Variants in ZFYVE26 observed in about 807,000 individuals in gnomAD.
The protein encoded by ZFYVE26 is zinc finger FYVE domain-containing protein 26.
ZFYVE26 carries 181 observed loss-of-function variants against 276.5 expected under a neutral mutation model. The ratio of observed to expected loss-of-function variants is 0.65; its 90% CI spans 0.58 to 0.74. ZFYVE26 has a LOEUF of 0.74. Ranked by LOEUF, ZFYVE26 falls within the 30% of genes least tolerant of loss-of-function variation. The probability of loss-of-function intolerance (pLI) is 0.00; values close to 1 mark genes in which losing one functional copy is unlikely to be tolerated. For missense variants in ZFYVE26, 2,821 were observed against 3,097.9 expected (o/e 0.91, Z 2.12); for synonymous variants, 1,129 against 1,203.1 (o/e 0.94, Z 1.27).
chr14:67,780,974 C>T (rs1566880761), intron 22 of ZFYVE26, among the ~76,000 whole-genome samples: 1 of 152,100 alleles, frequency 6.6e-6, no homozygotes, highest in Non-Finnish European at 1.5e-5. Context: ...TTCAAAATAG[C>T]TCTTGAAATG....
intron 27 of ZFYVE26, among the ~76,000 whole-genome samples, chr14:67,774,429 G>A (rs2039288168): frequency 6.6e-6 from 1 of 152,100 alleles, no homozygotes; most frequent in South Asian, 2.1e-4. Context: ...AATCCAGGAG[G>A]CGGAGGTTGC....
At chr14:67,809,819 C>G (rs1289940234) in intron 3 of ZFYVE26, among the ~76,000 whole-genome samples, 1 of 130,822 alleles carries the variant, frequency 7.6e-6, no homozygotes, top group African/African-American at 2.9e-5. Flanking sequence ...GAGTCTCGCT[C>G]TGTTGCCCAG....
At chr14:67,749,963 G>A (rs527246046) in intron 41 of ZFYVE26, among the ~76,000 whole-genome samples, 2 of 152,308 alleles carry the variant, frequency 1.3e-5, no homozygotes, top group Admixed American at 1.3e-4. Flanking sequence ...AACTGCATTA[G>A]ACAGCTGCTG....
Position 67,807,379 on chromosome 14 carries a change from A to C in ZFYVE26, c.886+19T>G. The C allele has an allele frequency of 6.2e-7, 1 of 1,613,932 alleles. No individual in the cohort carries two copies. The highest frequency in any genetic ancestry group is 8.5e-7 in the Non-Finnish European group (1 of 1,180,030). The stretch of plus-strand genomic sequence containing the variant: ...CTGGAATTACTGAAACTAAAGGAGC[A>C]GCAGCAAAGGGAACACACCTTTTCC... On this transcript the variant is annotated intron_variant, in intron 5 of 41. Coordinates refer to ENST00000347230, the MANE Select transcript of ZFYVE26 (RefSeq NM_015346.4).
Position 67,783,233 on chromosome 14 carries a change from A to G in ZFYVE26, c.3919T>C (p.Phe1307Leu), listed in dbSNP as rs1367726089. ...AGGAGCTTTGAGCGTGACTTAAGAAAGGCCAAGGCAGAGGAGGTGAGGGCT... is the reference window on the plus strand; with the variant it reads ...AGGAGCTTTGAGCGTGACTTAAGAAGGGCCAAGGCAGAGGAGGTGAGGGCT... The part of the protein sequence containing the change: ...LPALTSSALA[F>L]LKSRSKLLAT... Residue 1307 changes from phenylalanine to leucine, a missense_variant, in exon 21 of 42, where the codon TTT becomes CTT. Transcript: ENST00000347230. The G allele has an allele frequency of 6.2e-7, 1 of 1,613,820 alleles. No individual in the cohort carries two copies. Among genetic ancestry groups the G allele is most frequent in the Non-Finnish European group, 8.5e-7 (1 of 1,179,758 alleles).
chr14:67,762,542 A>G, intron 33 of ZFYVE26, 130 bp from the exon 34 acceptor site: 2 of 1,552,330 alleles, frequency 1.3e-6, no homozygotes, highest in Non-Finnish European at 1.7e-6. Flanking sequence ...CTGCTGGCAA[A>G]CTAGTCATGT....
chr14:67,775,866 G>A lies in ZFYVE26; in HGVS notation c.5215C>T (p.Arg1739Ter), dbSNP rs1214483973. 1.9e-6 allele frequency: 3 copies of A among 1,614,154 alleles called. No individual in the cohort carries two copies. The highest frequency in any genetic ancestry group is 1.7e-5 in the Admixed American group (1 of 60,020). ...CTAGGATGCTAGCAGTTACCTGATC[G>A]TTTCTCCCTCTGAGGGTATGGAAAG... The part of the protein sequence containing the change: ...LDFPYPQREK[R>*]SDSVIHLQEI... The change falls in exon 26 of 42, where the codon CGA becomes TGA. Residue 1739 changes from arginine (R) to a stop codon, truncating the protein, a stop_gained. Transcript: ENST00000347230. LOFTEE classifies it high-confidence loss of function.
In ZFYVE26 at chr14:67,748,337, GAGA is replaced by G. The variant is rs2038540172; in HGVS notation, c.*96_*98del. The G allele has an allele frequency of 7.3e-7, 1 of 1,369,726 alleles. No homozygotes were observed. The highest frequency in any genetic ancestry group is 2.4e-5 in the East Asian group (1 of 41,398). 84.8% of individuals were successfully genotyped at this position (1,369,726 alleles called of 1,614,324 possible). ...CTCTTTCCAACCTAGGGCAGAGCCA[GAGA>G]AGTCCCACTCCACTGGAGGAAAGAG... On this transcript the variant is annotated 3_prime_UTR_variant, in exon 42 of 42. Transcript: ENST00000347230.
intron 25 of ZFYVE26, 85 bp from the exon 26 acceptor site, chr14:67,776,191 G>T: frequency 1.3e-6 from 2 of 1,590,296 alleles, no homozygotes; most frequent in Non-Finnish European, 8.6e-7. Flanking sequence ...GAAGGGGAAG[G>T]GTGCATGAGA....
chr14:67,806,794 T>C (rs1242410324), intron 5 of ZFYVE26, 119 bp from the exon 6 acceptor site: 2 of 1,230,384 alleles, frequency 1.6e-6, no homozygotes, highest in African/African-American at 3.0e-5. Flanking sequence ...GGCTGGGTTT[T>C]CCATACTTTA....
intron 16 of ZFYVE26, among the ~76,000 whole-genome samples, chr14:67,788,675 A>G (rs1320635983): frequency 6.6e-6 from 1 of 152,214 alleles, no homozygotes; most frequent in African/African-American, 2.4e-5. Flanking sequence ...CTCCTAGAGA[A>G]TCACTGAACC....
chr14:67,762,292 A>T lies in ZFYVE26; in HGVS notation c.6280T>A (p.Phe2094Ile). 1 of 1,614,134 alleles carries T rather than the reference A, an allele frequency of 6.2e-7. No homozygotes were observed. The highest frequency in any genetic ancestry group is 8.5e-7 in the Non-Finnish European group (1 of 1,180,016). Residue 2094 changes from phenylalanine (F) to isoleucine (I), a missense_variant, in exon 34 of 42, where the codon TTT becomes ATT. Coordinates refer to ENST00000347230, the MANE Select transcript of ZFYVE26 (RefSeq NM_015346.4). ...CCATGATTCAGCTGATTGAGGTCAAATGGGGGCTTCAGACAGCGACTGAAC... is the reference window on the plus strand; with the variant it reads ...CCATGATTCAGCTGATTGAGGTCAATTGGGGGCTTCAGACAGCGACTGAAC... ...EKFSRCLKPP[F>I]DLNQLNHGSR...
At chr14:67,802,524 C>A (rs547000213) in intron 9 of ZFYVE26, among the ~76,000 whole-genome samples, 7 of 152,184 alleles carry the variant, frequency 4.6e-5, no homozygotes, top group Non-Finnish European at 8.8e-5. Context: ...ATGACTTCTA[C>A]ATGGCATTAT....
At chr14:67,764,959 T>TA (rs1341455563) in intron 32 of ZFYVE26, among the ~76,000 whole-genome samples, 1 of 152,224 alleles carries the variant, frequency 6.6e-6, no homozygotes, top group African/African-American at 2.4e-5. Context: ...ACATTACTGA[T>TA]ACTTGAGATA....
At chr14:67,793,528 G>T in intron 14 of ZFYVE26, 80 bp downstream of exon 14, 1 of 1,527,756 alleles carries the variant, frequency 6.5e-7, no homozygotes. Context: ...AGTGCTCCCA[G>T]GTGGCTCTGG....
Position 67,798,271 on chromosome 14 carries a change from C to T in ZFYVE26, c.1991G>A (p.Ser664Asn), listed in dbSNP as rs1454065576. Residue 664 changes from serine (S) to asparagine (N), a missense_variant, in exon 11 of 42, where the codon AGC becomes AAC. Coordinates refer to ENST00000347230, the MANE Select transcript of ZFYVE26 (RefSeq NM_015346.4). ...KDSYPGPHRH[S>N]FLDLKHFTSG... ...AGTAAAGTGTTTTAAGTCCAAAAAGCTGTGCCTATGAGGCCCTGGGTAACT... is the reference window on the plus strand; with the variant it reads ...AGTAAAGTGTTTTAAGTCCAAAAAGTTGTGCCTATGAGGCCCTGGGTAACT... 1 of 1,614,106 alleles carries T rather than the reference C, an allele frequency of 6.2e-7. No individual in the cohort carries two copies. The highest frequency in any genetic ancestry group is 8.5e-7 in the Non-Finnish European group (1 of 1,180,040).
rs188436325 is a variant in ZFYVE26, at chr14:67,755,661, C to T, written c.6786+287G>A. Among the ~76,000 whole-genome samples, 97 of 152,326 alleles carry T rather than the reference C, an allele frequency of 6.4e-4. 1 individual carries two copies. Among genetic ancestry groups the T allele is most frequent in the Middle Eastern group, 3.4e-3 (1 of 294 alleles). On this transcript the variant is annotated intron_variant, in intron 36 of 41. Transcript: ENST00000347230. ...TCATTCCTTATGAATTCTACATTCACGCCTCATGCTTATCTTGAAACTACC... is the reference window on the plus strand; with the variant it reads ...TCATTCCTTATGAATTCTACATTCATGCCTCATGCTTATCTTGAAACTACC...
rs577341313 is a variant in ZFYVE26 at position 67,775,019 on chromosome 14, G to A, written c.5317C>T (p.Pro1773Ser). The A allele has an allele frequency of 3.7e-6, 6 of 1,608,384 alleles. No homozygotes were observed. The highest frequency in any genetic ancestry group is 3.3e-5 in the South Asian group (3 of 89,824). ...AATCATCAGAGCCAGTTCTTACCAG[G>A]AGGAGCAGCAGGAGAGAACTCTGCT... ...PSAEFSPAAP[P>S]GISSIHSPSL... Residue 1773 changes from proline to serine, a missense_variant, in exon 27 of 42, where the codon CCT becomes TCT. Physicochemically the swap from Pro to Ser is moderately conservative, Grantham distance 74. Transcript: ENST00000347230.
intron 10 of ZFYVE26, among the ~76,000 whole-genome samples, chr14:67,800,441 A>G (rs2040052684): frequency 1.3e-5 from 2 of 152,324 alleles, no homozygotes; most frequent in African/African-American, 4.8e-5. Context: ...AGTGAAATCC[A>G]AACTTTTCAA....
Sources: gnomAD v4.1 joint callset for allele counts (sites outside exome capture counted in the v4.1 genomes callset) on GRCh38, gnomAD v4.1.1 for gene constraint, MANE v1.5 for transcripts, NCBI Gene and HGNC (gene_info 2026-07-23, HGNC 2026-07-21) for gene names.